The following PSD3 variants were observed in gnomAD, a reference collection of about 807,000 sequenced individuals.
PSD3 encodes the protein PH and SEC7 domain-containing protein 3.
Under a neutral mutation model 105.5 loss-of-function variants are expected in PSD3, and 49 were observed. The observed-to-expected ratio is 0.46, with a 90% CI of 0.37 to 0.59. PSD3 has a LOEUF of 0.59. PSD3 is among the 20% of genes least tolerant of loss of function. The pLI, the probability that PSD3 is intolerant of heterozygous loss-of-function variation, is 0.00. For missense variants in PSD3, 1,561 were observed against 1,263.8 expected (o/e 1.24, Z -3.57); for synonymous variants, 557 against 457.8 (o/e 1.22, Z -2.77).
chr8:19,005,431 G>C (rs1014609466), intron 1 of PSD3, among the ~76,000 whole-genome samples: 1 of 151,978 alleles, frequency 6.6e-6, no homozygotes, highest in African/African-American at 2.4e-5. Context: ...TGTGATGAGG[G>C]ATAGGAGCAA....
Position 18,587,916 on chromosome 8 carries a change from C to G in PSD3, c.2481+12448G>C, listed in dbSNP as rs144220709. Among the ~76,000 whole-genome samples, 1,054 of 152,254 alleles carry G rather than the reference C, an allele frequency of 6.9e-3. 4 individuals are homozygous for G. The highest frequency in any genetic ancestry group is 0.014 in the Middle Eastern group (4 of 294). On this transcript the variant is annotated intron_variant, in intron 12 of 15. Coordinates refer to ENST00000327040, the MANE Select transcript of PSD3 (RefSeq NM_015310.4). ...ATATAATTTACTTTTTGTGTAGCATCTGCTATCACATGCTGGTAGATTAGG... is the reference window on the plus strand; with the variant it reads ...ATATAATTTACTTTTTGTGTAGCATGTGCTATCACATGCTGGTAGATTAGG...
At chr8:18,900,367 G>A (rs903052030) in intron 2 of PSD3, among the ~76,000 whole-genome samples, 1 of 152,166 alleles carries the variant, frequency 6.6e-6, no homozygotes. Context: ...TGAGGGAGCT[G>A]CAGTGACAAC....
intron 9 of PSD3, among the ~76,000 whole-genome samples, chr8:18,699,177 C>T (rs1563180877): frequency 6.6e-6 from 1 of 152,152 alleles, no homozygotes; most frequent in South Asian, 2.1e-4. Context: ...GCTATGTGTG[C>T]CACTTCCAGG....
intron 11 of PSD3, among the ~76,000 whole-genome samples, chr8:18,602,195 C>A (rs763686163): frequency 1.3e-5 from 2 of 151,980 alleles, no homozygotes; most frequent in Admixed American, 6.6e-5. Flanking sequence ...CCCTTTAGTT[C>A]AAAAATCTAC....
At chr8:18,944,026 G>T (rs11787311) in intron 1 of PSD3, among the ~76,000 whole-genome samples, 97,843 of 151,862 alleles carry the variant, frequency 0.64, 31,795 homozygotes, top group Non-Finnish European at 0.67. Context: ...GAGCTTCCAC[G>T]TGGCTATTAC....
chr8:18,639,637 A>C (rs1248736360), intron 10 of PSD3, among the ~76,000 whole-genome samples: 1 of 152,186 alleles, frequency 6.6e-6, no homozygotes, highest in Non-Finnish European at 1.5e-5. Flanking sequence ...ACAGGCTAGG[A>C]GAGAGGCATG....
At chr8:18,941,106 C>G (rs1189344061) in intron 1 of PSD3, among the ~76,000 whole-genome samples, 2 of 152,212 alleles carry the variant, frequency 1.3e-5, no homozygotes, top group African/African-American at 4.8e-5. Context: ...GACAGACCCA[C>G]AGAATTCAGA....
intron 4 of PSD3, among the ~76,000 whole-genome samples, chr8:18,827,157 G>A (rs1420601024): frequency 6.6e-6 from 1 of 152,180 alleles, no homozygotes; most frequent in South Asian, 2.1e-4. Flanking sequence ...CCTATACCCA[G>A]AACTTCATAG....
intron 1 of PSD3, among the ~76,000 whole-genome samples, chr8:19,076,265 G>A (rs548000215): frequency 1.4e-3 from 206 of 152,270 alleles, no homozygotes; most frequent in Non-Finnish European, 1.7e-3. Flanking sequence ...TATTTTATAG[G>A]TTGTTTAAAG....
At chr8:18,836,449 A>G (rs1814114946) in intron 4 of PSD3, among the ~76,000 whole-genome samples, 1 of 152,202 alleles carries the variant, frequency 6.6e-6, no homozygotes, top group Non-Finnish European at 1.5e-5. Flanking sequence ...AAACACAAAC[A>G]CACAGAGGTT....
intron 1 of PSD3, among the ~76,000 whole-genome samples, chr8:18,979,222 C>G (rs1825124063): frequency 6.6e-6 from 1 of 151,916 alleles, no homozygotes; most frequent in African/African-American, 2.4e-5. Context: ...TTGCAGGCTT[C>G]CAAAATGTCT....
chr8:18,774,702 T>C, intron 8 of PSD3: 1 of 361,204 alleles, frequency 2.8e-6, no homozygotes, highest in Non-Finnish European at 5.5e-6. Flanking sequence ...CTTGCCCTTG[T>C]AGAACTTCCT....
intron 9 of PSD3, among the ~76,000 whole-genome samples, chr8:18,754,576 T>C (rs113278346): frequency 7.0e-4 from 106 of 152,026 alleles, no homozygotes; most frequent in African/African-American, 2.5e-3. Flanking sequence ...GATTATGATA[T>C]GCCAGGGGGA....
chr8:18,543,958 G>A (rs999045891), intron 15 of PSD3, among the ~76,000 whole-genome samples: 1 of 151,758 alleles, frequency 6.6e-6, no homozygotes, highest in African/African-American at 2.4e-5. Context: ...AATACAGCTG[G>A]GCTGCAATTT....
intron 10 of PSD3, among the ~76,000 whole-genome samples, chr8:18,639,135 C>A (rs573073077): frequency 2.6e-5 from 4 of 152,342 alleles, no homozygotes; most frequent in African/African-American, 9.6e-5. Context: ...CACTCTCTTC[C>A]TTGCATCCCA....
intron 9 of PSD3, among the ~76,000 whole-genome samples, chr8:18,707,626 T>C (rs561615969): frequency 3.8e-4 from 58 of 152,348 alleles, no homozygotes; most frequent in African/African-American, 1.4e-3. Context: ...AAAGCTCATA[T>C]GACTGATAAC....
At chr8:18,557,686 A>T (rs1801161594) in intron 14 of PSD3, among the ~76,000 whole-genome samples, 1 of 152,248 alleles carries the variant, frequency 6.6e-6, no homozygotes, top group South Asian at 2.1e-4. Context: ...CACTCCAAGA[A>T]GTCCCAGAAA....
intron 11 of PSD3, among the ~76,000 whole-genome samples, chr8:18,632,104 C>A (rs576895387): frequency 6.6e-6 from 1 of 152,028 alleles, no homozygotes; most frequent in South Asian, 2.1e-4. Flanking sequence ...TTATACTATG[C>A]TCTCCTACAT....
intron 1 of PSD3, among the ~76,000 whole-genome samples, chr8:19,030,897 C>T (rs1827743403): frequency 6.6e-6 from 1 of 152,168 alleles, no homozygotes; most frequent in Non-Finnish European, 1.5e-5. Flanking sequence ...TCAAGTCCCT[C>T]TTCTTCAACT....
Sources: gnomAD v4.1 joint callset for allele counts (sites outside exome capture counted in the v4.1 genomes callset) on GRCh38, gnomAD v4.1.1 for gene constraint, MANE v1.5 for transcripts, NCBI Gene and HGNC (gene_info 2026-07-23, HGNC 2026-07-21) for gene names.